Variants in COL5A2 observed in about 807,000 individuals in gnomAD.
COL5A2 encodes the protein collagen alpha-2(V) chain.
A neutral mutation model predicts 208.2 loss-of-function variants in COL5A2; 23 were observed. The observed-to-expected ratio is 0.11, with a 90% CI of 0.08 to 0.16. COL5A2 has a LOEUF of 0.16. Ranked by LOEUF, COL5A2 falls within the 10% of genes least tolerant of loss-of-function variation. The pLI is 1.00. For synonymous variants in COL5A2, 625 were observed against 628.5 expected, an observed-to-expected ratio of 0.99 and a Z score of 0.08; for missense variants, 1,590 against 1,956.4, an observed-to-expected ratio of 0.81 and a Z score of 3.53.
the COL5A2 span, among the ~76,000 whole-genome samples, chr2:189,400,173 C>A: frequency 6.6e-6 from 1 of 152,106 alleles, no homozygotes; most frequent in Admixed American, 6.6e-5. Flanking sequence ...TTTCTTGATA[C>A]TTATCCTGCT....
intron 1 of COL5A2, among the ~76,000 whole-genome samples, chr2:189,144,609 C>T (rs1346816178): frequency 6.6e-6 from 1 of 151,478 alleles, no homozygotes; most frequent in African/African-American, 2.4e-5. Flanking sequence ...TTGCCATCTT[C>T]TTGAATTAAA....
chr2:189,391,438 A>C, the COL5A2 span, among the ~76,000 whole-genome samples: 1 of 152,188 alleles, frequency 6.6e-6, no homozygotes, highest in Non-Finnish European at 1.5e-5. Flanking sequence ...ATTAAATAAA[A>C]TGTTGATTGC....
At chr2:189,289,249 G>C in the COL5A2 span, among the ~76,000 whole-genome samples, 38 of 140,576 alleles carry the variant, frequency 2.7e-4, no homozygotes, top group Non-Finnish European at 3.8e-4. Flanking sequence ...GGCTGAGGCA[G>C]AGAATCGCCT....
At chr2:189,363,853 TCTC>T in the COL5A2 span, among the ~76,000 whole-genome samples, 1 of 152,152 alleles carries the variant, frequency 6.6e-6, no homozygotes, top group East Asian at 1.9e-4. Context: ...TTGCTAGCCT[TCTC>T]ATAATAGGAA....
At chr2:189,430,711 G>A in the COL5A2 span, among the ~76,000 whole-genome samples, 2 of 152,196 alleles carry the variant, frequency 1.3e-5, no homozygotes. Flanking sequence ...GCCCACTGCA[G>A]CTCAGCAGGG....
At chr2:189,295,764 T>C in the COL5A2 span, among the ~76,000 whole-genome samples, 5,614 of 152,314 alleles carry the variant, frequency 0.037, 117 homozygotes, top group Admixed American at 0.05. Context: ...CTTGGGTGAG[T>C]TAAACTTAAA....
At position 189,166,681 on chromosome 2, in the gene COL5A2, G is replaced by A. The variant is rs534693154; in HGVS notation, c.97+12827C>T. Among the ~76,000 whole-genome samples, 8 of 152,292 alleles carry A rather than the reference G, an allele frequency of 5.3e-5. No individual in the cohort carries two copies. The South Asian group carries it at 8.3e-4, about 16-fold the overall frequency. ...TGTCTATGACAGCTGAATTTTATTC[G>A]TCTGTAGTGTGAGCCACGGAGTCCA... On this transcript the variant is annotated intron_variant, in intron 1 of 53. Transcript: ENST00000374866.
rs561474458 is a variant in COL5A2, at chr2:189,148,591, A to G, written c.97+30917T>C. 2.6e-5 allele frequency among the ~76,000 whole-genome samples: 4 copies of G among 152,336 alleles called. No homozygotes were observed. In the South Asian group the frequency reaches 8.3e-4, roughly 32 times the overall value. On this transcript the variant is annotated intron_variant, in intron 1 of 53. Transcript: ENST00000374866. ...AGAAAAACATTATAAAGTTAGTAATAAACATGAGTCCATATTGCCCTCCAA... is the reference window on the plus strand; with the variant it reads ...AGAAAAACATTATAAAGTTAGTAATGAACATGAGTCCATATTGCCCTCCAA...
rs766024294 is a variant in COL5A2, at chr2:189,044,245, A to G, written c.3363+934T>C. ...CCCTTATTGTTTTGATTTTGAATTT[A>G]TATTTCCTAATTATCATACAGTATA... is the stretch of plus-strand genomic sequence containing the variant. On this transcript the variant is annotated intron_variant, in intron 47 of 53. Transcript: ENST00000374866. 2.0e-5 allele frequency among the ~76,000 whole-genome samples: 3 copies of G among 152,142 alleles called. No homozygotes were observed. In the South Asian group the frequency reaches 6.2e-4, roughly 32 times the overall value.
chr2:189,059,585 G>GTTTTTTTGTTTTTTTTTTTTTTTTTTTTT (rs1685979077), intron 31 of COL5A2, among the ~76,000 whole-genome samples: 1 of 28,594 alleles, frequency 3.5e-5, no homozygotes, highest in Non-Finnish European at 7.4e-5. Flanking sequence ...TTCTTTTCTG[G>GTTTTTTTGTTTTTTTTTTTTTTTTTTTTT]TTTTTTTTTT....
the COL5A2 span, among the ~76,000 whole-genome samples, chr2:189,302,891 C>A: frequency 6.6e-6 from 1 of 152,062 alleles, no homozygotes; most frequent in South Asian, 2.1e-4. Flanking sequence ...GGCCCCAAAG[C>A]CCAAGAGTAG....
chr2:189,437,177 C>A, the COL5A2 span, among the ~76,000 whole-genome samples: 1 of 152,160 alleles, frequency 6.6e-6, no homozygotes, highest in Non-Finnish European at 1.5e-5. Context: ...AGAAATATCA[C>A]CTCCAGGGCT....
chr2:189,231,314 TA>T, the COL5A2 span, among the ~76,000 whole-genome samples: 1 of 151,776 alleles, frequency 6.6e-6, no homozygotes, highest in African/African-American at 2.4e-5. Flanking sequence ...TCTCAAGTTA[TA>T]TTTTTTTTGC....
At chr2:189,118,700 T>C (rs1302557902) in intron 1 of COL5A2, among the ~76,000 whole-genome samples, 3 of 152,142 alleles carry the variant, frequency 2.0e-5, no homozygotes, top group African/African-American at 4.8e-5. Flanking sequence ...TCTGGAGGCA[T>C]GGGTGAAAGG....
chr2:189,083,741 G>A (rs894003360), intron 12 of COL5A2, among the ~76,000 whole-genome samples: 1 of 151,924 alleles, frequency 6.6e-6, no homozygotes, highest in Non-Finnish European at 1.5e-5. Context: ...GAGCATTCAT[G>A]TTATGTTCAA....
intron 1 of COL5A2, among the ~76,000 whole-genome samples, chr2:189,168,789 T>C (rs1006702691): frequency 1.3e-5 from 2 of 152,230 alleles, no homozygotes; most frequent in African/African-American, 2.4e-5. Flanking sequence ...AAGAATTTCA[T>C]AGCTACAAAT....
At chr2:189,311,986 G>C in the COL5A2 span, 1 of 749,102 alleles carries the variant, frequency 1.3e-6, no homozygotes, top group Non-Finnish European at 2.4e-6. Context: ...ACCTTGTGGA[G>C]CCCATGGATG....
chr2:189,113,060 C>T (rs1055833890), intron 1 of COL5A2, among the ~76,000 whole-genome samples: 5 of 152,160 alleles, frequency 3.3e-5, no homozygotes, highest in Non-Finnish European at 2.9e-5. Context: ...TAGCTTGTTT[C>T]TCTCATTACA....
chr2:189,112,105 C>A (rs1687295261), intron 1 of COL5A2, among the ~76,000 whole-genome samples: 1 of 152,142 alleles, frequency 6.6e-6, no homozygotes. Context: ...GATCCACCCA[C>A]CTCAGCCTCC....
Sources: allele counts gnomAD v4.1 joint callset (sites outside exome capture counted in the v4.1 genomes callset), GRCh38; gene constraint gnomAD v4.1.1; transcripts MANE v1.5; gene names NCBI Gene and HGNC (gene_info 2026-07-23, HGNC 2026-07-21).